The following SH3RF3 variants were observed in gnomAD, a reference collection of about 807,000 sequenced individuals.
SH3RF3 encodes E3 ubiquitin-protein ligase SH3RF3.
In SH3RF3, 29 loss-of-function variants were observed where a neutral mutation model predicts 66.3. The ratio of observed to expected loss-of-function variants is 0.44; its 90% CI spans 0.33 to 0.60. SH3RF3 has a LOEUF of 0.60. Among genes scored for constraint, SH3RF3 ranks in the 20% least tolerant of loss-of-function variants. The probability of loss-of-function intolerance (pLI) is 0.04; values close to 1 mark genes in which losing one functional copy is unlikely to be tolerated. For synonymous variants in SH3RF3, 583 were observed against 532.0 expected (o/e 1.10, Z -1.32); for missense variants, 1,194 against 1,190.9 (o/e 1.00, Z -0.04).
intron 8 of SH3RF3, among the ~76,000 whole-genome samples, chr2:109,471,177 C>T (rs186113410): frequency 6.7e-4 from 92 of 138,294 alleles, no homozygotes; most frequent in African/African-American, 2.3e-3. Context: ...CGTGCCATTG[C>T]ACTCCAGCCT....
chr2:109,297,696 C>T (rs1479075246), intron 1 of SH3RF3, among the ~76,000 whole-genome samples: 1 of 151,494 alleles, frequency 6.6e-6, no homozygotes, highest in African/African-American at 2.4e-5. Context: ...CAATGCCCCC[C>T]ATTCTGCCCA....
chr2:109,303,716 G>C (rs1681526883), intron 1 of SH3RF3, among the ~76,000 whole-genome samples: 1 of 152,124 alleles, frequency 6.6e-6, no homozygotes, highest in Non-Finnish European at 1.5e-5. Context: ...AAACCACTTT[G>C]TTGAGGCCTG....
chr2:109,129,208 G>A lies in SH3RF3; in HGVS notation c.-333G>A, dbSNP rs1423308969. ...GGCGCGAGCCGCCGCTTGCAGCACAGAACCCGTTGAGCTTCGTGCCCGGCA... is the reference window on the plus strand; with the variant it reads ...GGCGCGAGCCGCCGCTTGCAGCACAAAACCCGTTGAGCTTCGTGCCCGGCA... On this transcript the variant is annotated 5_prime_UTR_variant, in exon 1 of 10. Coordinates refer to ENST00000309415, the MANE Select transcript of SH3RF3 (RefSeq NM_001099289.3). 6 of 517,750 alleles carry A rather than the reference G, an allele frequency of 1.2e-5. No individual in the cohort carries two copies. Among genetic ancestry groups the A allele is most frequent in the Non-Finnish European group, 2.1e-5 (6 of 279,578 alleles). 32.1% of individuals were successfully genotyped at this position (517,750 alleles called of 1,614,324 possible).
chr2:109,241,777 T>C (rs1436585890), intron 1 of SH3RF3, among the ~76,000 whole-genome samples: 1 of 151,978 alleles, frequency 6.6e-6, no homozygotes, highest in African/African-American at 2.4e-5. Flanking sequence ...AATTTTTTTT[T>C]TTTTTTGAGA....
At chr2:109,294,206 C>T (rs187714941) in intron 1 of SH3RF3, among the ~76,000 whole-genome samples, 4 of 152,198 alleles carry the variant, frequency 2.6e-5, no homozygotes, top group Admixed American at 2.6e-4. Context: ...CATACAGCTC[C>T]TTGGTGGGGG....
At chr2:109,156,436 G>T (rs998067627) in intron 1 of SH3RF3, among the ~76,000 whole-genome samples, 1 of 152,020 alleles carries the variant, frequency 6.6e-6, no homozygotes, top group Non-Finnish European at 1.5e-5. Flanking sequence ...TACACTAAGG[G>T]ATGAATTTTA....
At chr2:109,223,527 C>T (rs987341499) in intron 1 of SH3RF3, among the ~76,000 whole-genome samples, 2 of 152,180 alleles carry the variant, frequency 1.3e-5, no homozygotes, top group African/African-American at 4.8e-5. Context: ...AGAATGGAAG[C>T]GTAGGAAGGG....
chr2:109,504,424 G>C lies in SH3RF3; in HGVS notation c.*2753G>C, dbSNP rs1679476727. ...CGGGTGCTCTCCTGGCATCCTCATG[G>C]GGTGATGCCAGGCCGGGCACTTCAA... On this transcript the variant is annotated 3_prime_UTR_variant, in exon 10 of 10. Coordinates refer to ENST00000309415, the MANE Select transcript of SH3RF3 (RefSeq NM_001099289.3). 1 of 152,252 alleles carries C rather than the reference G, an allele frequency of 6.6e-6. No homozygotes were observed. Among genetic ancestry groups the C allele is most frequent in the Non-Finnish European group, 1.5e-5 (1 of 68,086 alleles). The allele number at this position is 152,252 out of a possible 1,614,324, so 9.4% of individuals were successfully genotyped here.
At position 109,211,547 on chromosome 2, in the gene SH3RF3, G is replaced by A. The variant is rs144653794; in HGVS notation, c.573+81434G>A. ...GTAGGAGCGGATCAGCAAGCTCCGG[G>A]GCTGTCACAGAGCAGGCAGCTACGT... On this transcript the variant is annotated intron_variant, in intron 1 of 9. Transcript: ENST00000309415. Among the ~76,000 whole-genome samples, 718 of 152,354 alleles carry A rather than the reference G, an allele frequency of 4.7e-3. 3 individuals are homozygous for A. The highest frequency in any genetic ancestry group is 5.4e-3 in the South Asian group (26 of 4,828).
intron 8 of SH3RF3, among the ~76,000 whole-genome samples, chr2:109,472,447 C>T (rs1205481228): frequency 6.6e-6 from 1 of 152,120 alleles, no homozygotes; most frequent in South Asian, 2.1e-4. Context: ...GGCTTCCCGA[C>T]GGGGCTTCCC....
At chr2:109,434,988 T>A (rs1677359880) in intron 6 of SH3RF3, among the ~76,000 whole-genome samples, 1 of 152,118 alleles carries the variant, frequency 6.6e-6, no homozygotes, top group Non-Finnish European at 1.5e-5. Context: ...CCCGGTCCCC[T>A]CCCTCTACCT....
chr2:109,278,825 C>T (rs984145238), intron 1 of SH3RF3, among the ~76,000 whole-genome samples: 7 of 152,138 alleles, frequency 4.6e-5, no homozygotes, highest in African/African-American at 1.4e-4. Context: ...TCGGCCAAGG[C>T]AAATCGTGGG....
chr2:109,401,421 C>G (rs960589145), intron 4 of SH3RF3, among the ~76,000 whole-genome samples: 1 of 152,222 alleles, frequency 6.6e-6, no homozygotes. Context: ...GCCACTCTCA[C>G]TGTAGTCAGG....
In SH3RF3 at chr2:109,389,751, A is replaced by T. The variant is rs1409980400; in HGVS notation, c.946-8839A>T. On this transcript the variant is annotated intron_variant, in intron 3 of 9. Coordinates refer to ENST00000309415, the MANE Select transcript of SH3RF3 (RefSeq NM_001099289.3). ...GTCCACTAGATAAATACACCAAAAGATACACATTACATATGTATAATGCGA... is the reference window on the plus strand; with the variant it reads ...GTCCACTAGATAAATACACCAAAAGTTACACATTACATATGTATAATGCGA... 2.0e-5 allele frequency among the ~76,000 whole-genome samples: 3 copies of T among 152,194 alleles called. No homozygotes were observed. The East Asian group carries it at 5.8e-4, about 29-fold the overall frequency.
intron 3 of SH3RF3, among the ~76,000 whole-genome samples, chr2:109,380,784 G>GC (rs1204977670): frequency 2.0e-5 from 3 of 152,272 alleles, no homozygotes; most frequent in Admixed American, 1.3e-4. Context: ...CCCACCAGGT[G>GC]CCCCCCACCA....
At chr2:109,282,898 C>T (rs1007519929) in intron 1 of SH3RF3, among the ~76,000 whole-genome samples, 3 of 152,180 alleles carry the variant, frequency 2.0e-5, no homozygotes, top group Non-Finnish European at 2.9e-5. Flanking sequence ...CCCCTGTAGA[C>T]TCAGGTGACA....
chr2:109,248,478 T>C (rs1679973149), intron 1 of SH3RF3, among the ~76,000 whole-genome samples: 1 of 152,354 alleles, frequency 6.6e-6, no homozygotes, highest in South Asian at 2.1e-4. Context: ...ATCAAAGTCA[T>C]TTATGCAGGC....
At chr2:109,203,013 A>T (rs1327851222) in intron 1 of SH3RF3, among the ~76,000 whole-genome samples, 3 of 152,186 alleles carry the variant, frequency 2.0e-5, no homozygotes, top group Admixed American at 1.3e-4. Flanking sequence ...GGGCCTGAGG[A>T]TACTGGCCTG....
intron 8 of SH3RF3, among the ~76,000 whole-genome samples, chr2:109,467,739 CCT>C (rs1487404666): frequency 1.3e-5 from 2 of 152,220 alleles, no homozygotes; most frequent in African/African-American, 4.8e-5. Context: ...TGAAGCAGCT[CCT>C]CTCTGATTTA....
Sources: allele counts gnomAD v4.1 joint callset (sites outside exome capture counted in the v4.1 genomes callset), GRCh38; gene constraint gnomAD v4.1.1; transcripts MANE v1.5; gene names NCBI Gene and HGNC (gene_info 2026-07-23, HGNC 2026-07-21).